Variants in NEB observed in about 807,000 individuals in gnomAD.
NEB encodes nemaline myopathy type 2.
NEB carries 512 observed loss-of-function variants against 952.2 expected under a neutral mutation model. The ratio of observed to expected loss-of-function variants is 0.54; its 90% CI spans 0.50 to 0.58. The LOEUF (loss-of-function observed/expected upper bound fraction) is 0.58. Among genes scored for constraint, NEB ranks in the 20% least tolerant of loss-of-function variants. The pLI, the probability that NEB is intolerant of heterozygous loss-of-function variation, is 0.00. For missense variants in NEB, 8,428 were observed against 9,231.1 expected, an observed-to-expected ratio of 0.91 and a Z score of 3.56; for synonymous variants, 2,900 against 3,149.8, an observed-to-expected ratio of 0.92 and a Z score of 2.66.
chr2:151,636,162 G>A (rs2098759762), intron 64 of NEB, 65 bp downstream of exon 64: 3 of 1,352,080 alleles, frequency 2.2e-6, no homozygotes, highest in Non-Finnish European at 3.1e-6. Context: ...TCTTTTCTAA[G>A]ATTTAGTTCA....
chr2:151,568,033 C>T, intron 113 of NEB, 38 bp downstream of exon 113: 1 of 1,512,006 alleles, frequency 6.6e-7, no homozygotes, highest in East Asian at 2.3e-5. Context: ...GAGCAAGGTC[C>T]CACTTTTGCA....
At chr2:151,642,710 T>C in intron 59 of NEB, 29 bp from the exon 60 acceptor site, 1 of 1,609,850 alleles carries the variant, frequency 6.2e-7, no homozygotes, top group South Asian at 1.1e-5. Flanking sequence ...GTAAGTTGGA[T>C]TTATAAAGTG....
intron 119 of NEB, among the ~76,000 whole-genome samples, chr2:151,563,312 C>A (rs1043949787): frequency 4.6e-5 from 7 of 152,204 alleles, no homozygotes; most frequent in Admixed American, 2.0e-4. Context: ...TTTCACCTGG[C>A]CTGAAGTTTT....
chr2:151,570,766 A>G (rs1340928657), intron 107 of NEB, among the ~76,000 whole-genome samples, 165 bp from the exon 108 acceptor site: 3 of 152,194 alleles, frequency 2.0e-5, no homozygotes, highest in Non-Finnish European at 4.4e-5. Context: ...ATTGTCCTGG[A>G]ACATGTAATG....
chr2:151,617,781 G>T (rs2098253408), intron 74 of NEB, among the ~76,000 whole-genome samples: 1 of 151,202 alleles, frequency 6.6e-6, no homozygotes, highest in Admixed American at 6.6e-5. Flanking sequence ...AGTACTTTAG[G>T]CTGGGCACGG....
At chr2:151,643,029 T>C in intron 58 of NEB, 121 bp downstream of exon 58, 1 of 1,236,746 alleles carries the variant, frequency 8.1e-7, no homozygotes, top group Non-Finnish European at 1.1e-6. Flanking sequence ...GCACAATACT[T>C]TAAAACCACA....
In NEB at chr2:151,698,151, C is replaced by T. The variant is rs183190928; in HGVS notation, c.1153-503G>A. ...GAATGTCATGAATTATAAGACTGTT[C>T]TGTTAGCAATTATTATAAGGCCTAA... On this transcript the variant is annotated intron_variant, in intron 13 of 181. Transcript: ENST00000397345. Among the ~76,000 whole-genome samples, 850 of 152,318 alleles carry T rather than the reference C, an allele frequency of 5.6e-3. 5 individuals carry two copies. Among genetic ancestry groups the T allele is most frequent in the Non-Finnish European group, 9.3e-3 (632 of 68,026 alleles).
chr2:151,650,212 T>A lies in NEB; in HGVS notation c.7395A>T (p.Ile2465=). 1 of 1,613,960 alleles carries A rather than the reference T, an allele frequency of 6.2e-7. No individual in the cohort carries two copies. Among genetic ancestry groups the A allele is most frequent in the Non-Finnish European group, 8.5e-7 (1 of 1,179,854 alleles). Residue 2465 remains isoleucine, a synonymous_variant, in exon 54 of 182, where the codon ATA becomes ATT. Transcript: ENST00000397345. ...KFTSIPDAMD[I]VLAKTNAKNR... ...TTTTGGCATTTGTCTTTGCCAGAAC[T>A]ATATCCATGGCATCAGGAATGCTGG...
chr2:151,694,281 TG>T, intron 20 of NEB, 41 bp downstream of exon 20: 1 of 1,531,466 alleles, frequency 6.5e-7, no homozygotes, highest in Non-Finnish European at 9.0e-7. Context: ...AGCAACTTTG[TG>T]GCCACGTCTG....
rs374685180 is a variant in NEB at position 151,527,525 on chromosome 2, G to A, written c.21796C>T (p.Pro7266Ser). 2 of 1,613,504 alleles carry A rather than the reference G, an allele frequency of 1.2e-6. No homozygotes were observed. The highest frequency in any genetic ancestry group is 1.7e-6 in the Non-Finnish European group (2 of 1,179,682). Reference sequence around the variant, plus strand: ...GACTTGGCAGCCTGGAGGAAGTCCGGTCGGTCAGGAGTCCACTTCCAGTGG... The same window carrying A: ...GACTTGGCAGCCTGGAGGAAGTCCGATCGGTCAGGAGTCCACTTCCAGTGG... ...KAHWKWTPDR[P>S]DFLQAAKSSL... is the part of the protein sequence containing the mutation. Residue 7266 changes from proline to serine, a missense_variant, in exon 147 of 182, where the codon CCG becomes TCG. Physicochemically the swap from Pro to Ser is moderately conservative, Grantham distance 74. Around this residue, in one of 11 missense-constraint regions of NEB, gnomAD observed 3,374 missense variants for 3,651.5 expected, o/e 0.92. Coordinates refer to ENST00000397345, the MANE Select transcript of NEB (RefSeq NM_001164508.2).
chr2:151,493,383 T>C lies in NEB; in HGVS notation c.24735A>G (p.Arg8245=). 2 of 1,612,458 alleles carry C rather than the reference T, an allele frequency of 1.2e-6. No individual in the cohort carries two copies. Among genetic ancestry groups the C allele is most frequent in the Non-Finnish European group, 1.7e-6 (2 of 1,179,332 alleles). The part of the protein sequence containing the change: ...TPTPVTPEME[R]AKRNQENISS... ...TAATGTTTTCTTGGTTGCGCTTAGC[T>C]CTCTCCATCTCTGGAGTAACAGGTG... The change falls in exon 176 of 182, where the codon AGA becomes AGG. Residue 8245 remains arginine, a synonymous_variant. Transcript: ENST00000397345.
rs551880764 is a variant in NEB at position 151,555,130 on chromosome 2, A to T, written c.19315-86T>A. Reference sequence around the variant, plus strand: ...AAACAGCATAAGACTTAATGGGAAAAACCCGACTCTGAGATCCACCCAGCG... The same window carrying T: ...AAACAGCATAAGACTTAATGGGAAATACCCGACTCTGAGATCCACCCAGCG... On this transcript the variant is annotated intron_variant, in intron 124 of 181. Transcript: ENST00000397345. 4.3e-5 allele frequency: 40 copies of T among 935,672 alleles called. No individual in the cohort carries two copies. In the South Asian group the frequency reaches 5.6e-4, roughly 13 times the overall value. The allele number at this position is 935,672 out of a possible 1,614,324, so 58.0% of individuals were successfully genotyped here.
intron 141 of NEB, among the ~76,000 whole-genome samples, chr2:151,536,153 C>T (rs2093168594): frequency 6.6e-6 from 1 of 152,210 alleles, no homozygotes; most frequent in Non-Finnish European, 1.5e-5. Context: ...GGCTATCCGC[C>T]TGCCTTGGCC....
rs754711510 is a variant in NEB, at chr2:151,506,239, A to T, written c.23576T>A (p.Val7859Asp). The stretch of plus-strand genomic sequence containing the variant: ...CTTTCCGATAGCCGTTCCTGGTGAG[A>T]CATCCTCTTTATATAAAACCTGGGC... Reference protein sequence around the residue: ...NFSSVLYKEDVSPGTAIGKTP... With the variant: ...NFSSVLYKEDDSPGTAIGKTP... Residue 7859 changes from valine to aspartate, a missense_variant, in exon 164 of 182, where the codon GTC (valine) becomes GAC (aspartate). Around this residue, in one of 11 missense-constraint regions of NEB, gnomAD observed 3,374 missense variants for 3,651.5 expected, o/e 0.92. Transcript: ENST00000397345. 1.2e-6 allele frequency: 2 copies of T among 1,613,276 alleles called. No homozygotes were observed. The highest frequency in any genetic ancestry group is 1.7e-6 in the Non-Finnish European group (2 of 1,179,256).
intron 147 of NEB, 80 bp from the exon 148 acceptor site, chr2:151,527,102 A>G: frequency 1.1e-6 from 1 of 895,738 alleles, no homozygotes. Flanking sequence ...ACACACAGGG[A>G]GTCCTCTTAA....
rs767880330 is a variant in NEB, at chr2:151,547,758, A to T, written c.20158-20T>A. ...CAGTCTCTACGTTGGAGGAAATATC[A>T]TTACAGGCATTTAGTAGGGGACGAC... is the stretch of plus-strand genomic sequence containing the variant. On this transcript the variant is annotated intron_variant, in intron 131 of 181. Transcript: ENST00000397345. 1.9e-6 allele frequency: 3 copies of T among 1,578,598 alleles called. No individual in the cohort carries two copies. Among genetic ancestry groups the T allele is most frequent in the Non-Finnish European group, 1.7e-6 (2 of 1,150,880 alleles).
chr2:151,561,572 CTTT>C (rs376827489), intron 121 of NEB, among the ~76,000 whole-genome samples: 3 of 133,740 alleles, frequency 2.2e-5, no homozygotes, highest in Non-Finnish European at 3.2e-5. Flanking sequence ...CAGCCCCTCA[CTTT>C]TTTTTTTTTT....
intron 62 of NEB, 117 bp downstream of exon 62, chr2:151,639,740 T>C (rs188212054): frequency 3.1e-5 from 26 of 845,362 alleles, no homozygotes; most frequent in Middle Eastern, 2.7e-4. Context: ...AATAGATACA[T>C]AGACAGATAG....
intron 73 of NEB, 107 bp from the exon 74 acceptor site, chr2:151,618,585 G>A (rs1295223275): frequency 1.8e-6 from 2 of 1,104,304 alleles, no homozygotes; most frequent in Non-Finnish European, 2.6e-6. Context: ...AATAGTTAAG[G>A]TTCCTAGCAT....
Sources: gnomAD v4.1 joint callset for allele counts (sites outside exome capture counted in the v4.1 genomes callset) on GRCh38, gnomAD v4.1.1 for gene constraint, gnomAD v4.1.1 regional missense constraint, MANE v1.5 for transcripts, NCBI Gene and HGNC (gene_info 2026-07-23, HGNC 2026-07-21) for gene names.